Variants in HAL observed in about 807,000 individuals in gnomAD.
HAL encodes the protein histidase.
HAL carries 85 observed loss-of-function variants against 81.1 expected under a neutral mutation model. The ratio of observed to expected loss-of-function variants is 1.05; its 90% CI spans 0.88 to 1.25. The LOEUF is 1.25. HAL is among the 50% of genes most tolerant of loss of function. The pLI, the probability that HAL is intolerant of heterozygous loss-of-function variation, is 0.00. For synonymous variants in HAL, 301 were observed against 309.2 expected, an observed-to-expected ratio of 0.97 and a Z score of 0.28; for missense variants, 798 against 836.6, an observed-to-expected ratio of 0.95 and a Z score of 0.57.
chr12:95,980,675 C>A lies in HAL; in HGVS notation c.1400G>T (p.Ser467Ile). Residue 467 changes from serine to isoleucine, a missense_variant, in exon 17 of 21, where the codon AGT becomes ATT. By Grantham distance (142) the Ser-to-Ile change is moderately radical. Transcript: ENST00000261208. ...AIGIHELAAI[S>I]ERRIERLCNP... The stretch of plus-strand genomic sequence containing the variant: ...GCAGAGCCGCTCGATTCTTCTCTCA[C>A]TGATTGCAGCAAGTTCATGGATGCC... The A allele has an allele frequency of 6.2e-7, 1 of 1,613,992 alleles. No homozygotes were observed. The highest frequency in any genetic ancestry group is 1.3e-5 in the African/African-American group (1 of 75,042).
At chr12:95,994,726 T>G in intron 4 of HAL, 72 bp downstream of exon 4, 3 of 1,439,202 alleles carry the variant, frequency 2.1e-6, no homozygotes, top group Non-Finnish European at 2.9e-6. Context: ...CTCAGAAGTT[T>G]TCCTGGCTTT....
intron 14 of HAL, among the ~76,000 whole-genome samples, chr12:95,984,361 G>C (rs921633507): frequency 6.6e-6 from 1 of 152,202 alleles, no homozygotes; most frequent in Non-Finnish European, 1.5e-5. Context: ...TTAGAAAAGA[G>C]ACAATAGCAC....
At chr12:95,975,719 G>A (rs1462086951) in intron 20 of HAL, among the ~76,000 whole-genome samples, 1 of 152,142 alleles carries the variant, frequency 6.6e-6, no homozygotes, top group African/African-American at 2.4e-5. Context: ...CCCATCCAGA[G>A]TGCAGGGCAT....
At chr12:95,995,246 C>A in intron 2 of HAL, 1 of 590,732 alleles carries the variant, frequency 1.7e-6, no homozygotes, top group Non-Finnish European at 3.0e-6. Flanking sequence ...ATCCCCATTC[C>A]CAGCTTTATT....
chr12:95,982,701 A>C lies in HAL; in HGVS notation c.1287+1210T>G, dbSNP rs149720239. Among the ~76,000 whole-genome samples the C allele has an allele frequency of 2.6e-5, 4 of 152,314 alleles. No homozygotes were observed. In the East Asian group the frequency reaches 7.7e-4, roughly 29 times the overall value. On this transcript the variant is annotated intron_variant, in intron 15 of 20. Transcript: ENST00000261208. ...CTTGTCAAAAAACACATACATACAAAAGCCATCTCATGGGAAACCTTATGG... is the reference window on the plus strand; with the variant it reads ...CTTGTCAAAAAACACATACATACAACAGCCATCTCATGGGAAACCTTATGG...
At chr12:95,976,075 A>G in intron 20 of HAL, 1 of 363,876 alleles carries the variant, frequency 2.7e-6, no homozygotes, top group Admixed American at 3.8e-5. Flanking sequence ...TAGTTGTGAT[A>G]GCATCACCCA....
Position 95,993,502 on chromosome 12 carries a change from G to T in HAL, c.552-14C>A. On this transcript the variant is annotated splice_polypyrimidine_tract_variant and intron_variant, in intron 7 of 20. Transcript: ENST00000261208. ...ACCTGAAGCTCCCTGCAACAGAAAG[G>T]TAAAAACCCTCTTAGATACATTGCA... 6.4e-7 allele frequency: 1 copy of T among 1,569,290 alleles called. No homozygotes were observed. The highest frequency in any genetic ancestry group is 8.8e-7 in the Non-Finnish European group (1 of 1,138,928).
rs201409900 is a variant in HAL, at chr12:95,993,795, A to G, written c.528T>C (p.Thr176=). The change falls in exon 7 of 21, where the codon ACT becomes ACC. Residue 176 remains threonine (T), a synonymous_variant. Transcript: ENST00000261208. ...ACTGTAGCTTATTGATAGGAATTAC[A>G]GTTCTGGCAAATTTCCCAAAACCTG... ...ITTGFGKFAR[T]VIPINKLQEL... 2.5e-5 allele frequency: 39 copies of G among 1,569,968 alleles called. No homozygotes were observed. Among genetic ancestry groups the G allele is most frequent in the Admixed American group, 3.3e-5 (2 of 59,982 alleles).
chr12:95,978,462 G>A (rs1328250427), intron 17 of HAL, among the ~76,000 whole-genome samples: 2 of 152,244 alleles, frequency 1.3e-5, no homozygotes, highest in East Asian at 3.9e-4. Flanking sequence ...TGTGGCATTT[G>A]GGGACTGAGG....
chr12:95,992,657 C>T (rs986582188), intron 9 of HAL, 23 bp downstream of exon 9: 17 of 1,604,228 alleles, frequency 1.1e-5, no homozygotes, highest in Middle Eastern at 1.7e-4. Flanking sequence ...ACAGAGGTTC[C>T]GTCTAGGGAG....
chr12:95,993,395 G>C lies in HAL; in HGVS notation c.589+56C>G, dbSNP rs763563221. On this transcript the variant is annotated intron_variant, in intron 8 of 20. Transcript: ENST00000261208. The stretch of plus-strand genomic sequence containing the variant: ...ATAACTGGATAACTCACACTGTGCT[G>C]TGCTTTATTCATCTAATCACACAAG... The C allele has an allele frequency of 6.4e-5, 69 of 1,077,542 alleles. No individual in the cohort carries two copies. The Admixed American group carries it at 7.4e-4, about 12-fold the overall frequency. 66.7% of individuals were successfully genotyped at this position (1,077,542 alleles called of 1,614,324 possible).
In HAL at chr12:95,992,928, G is replaced by A. The variant is rs552677260; in HGVS notation, c.590-123C>T. Reference sequence around the variant, plus strand: ...CAGCCTGCTATTACCTTCTCCTCTCGGCTCAGGTAGTTGGACTACTCTCCC... The same window carrying A: ...CAGCCTGCTATTACCTTCTCCTCTCAGCTCAGGTAGTTGGACTACTCTCCC... On this transcript the variant is annotated intron_variant, in intron 8 of 20. Transcript: ENST00000261208. The A allele has an allele frequency of 5.9e-5, 51 of 861,956 alleles. No homozygotes were observed. In the African/African-American group the frequency reaches 6.0e-4, roughly 10 times the overall value. The allele number at this position is 861,956 out of a possible 1,614,324, so 53.4% of individuals were successfully genotyped here.
chr12:95,976,743 G>A (rs1490977416), intron 18 of HAL, 37 bp from the exon 19 acceptor site: 1 of 1,307,024 alleles, frequency 7.7e-7, no homozygotes, highest in African/African-American at 1.4e-5. Flanking sequence ...GCTTATGAAA[G>A]TCTGACTTCA....
chr12:95,976,544 C>G, intron 19 of HAL, 46 bp from the exon 20 acceptor site: 2 of 1,590,832 alleles, frequency 1.3e-6, no homozygotes, highest in Non-Finnish European at 1.7e-6. Flanking sequence ...TGAAACCCTG[C>G]CAGGGTTCAC....
intron 15 of HAL, 81 bp from the exon 16 acceptor site, chr12:95,980,944 T>A (rs2080787367): frequency 1.2e-6 from 1 of 849,714 alleles, no homozygotes; most frequent in African/African-American, 1.7e-5. Context: ...TTTTTTAACG[T>A]GGAGGTGGCA....
chr12:95,982,038 T>C (rs78835897), intron 15 of HAL, among the ~76,000 whole-genome samples: 2,096 of 152,360 alleles, frequency 0.014, 40 homozygotes, highest in African/African-American at 0.048. Flanking sequence ...GGTCTTGGCC[T>C]CTTCTCCATT....
At chr12:95,981,166 C>T (rs1234549677) in intron 15 of HAL, among the ~76,000 whole-genome samples, 16 of 136,674 alleles carry the variant, frequency 1.2e-4, no homozygotes, top group Non-Finnish European at 2.5e-4. Context: ...AGTACCTGCC[C>T]TCAAAAGGTT....
intron 14 of HAL, among the ~76,000 whole-genome samples, chr12:95,985,553 G>A (rs1292838031): frequency 6.9e-6 from 1 of 144,112 alleles, no homozygotes; most frequent in Non-Finnish European, 1.5e-5. Context: ...TCATGCCACT[G>A]TACTCCAGCC....
rs2080742558 is a variant in HAL, at chr12:95,977,930, C to T, written c.1654+14G>A. 6.2e-7 allele frequency: 1 copy of T among 1,613,972 alleles called. No individual in the cohort carries two copies. Among genetic ancestry groups the T allele is most frequent in the Non-Finnish European group, 8.5e-7 (1 of 1,179,900 alleles). ...TATCAGGCAGGCCCGCCACCCCGAA[C>T]TCATCAGCATTACCTTGCTCCACAT... On this transcript the variant is annotated intron_variant, in intron 18 of 20. Coordinates refer to ENST00000261208, the MANE Select transcript of HAL (RefSeq NM_002108.4).
Sources: allele counts gnomAD v4.1 joint callset (sites outside exome capture counted in the v4.1 genomes callset), GRCh38; gene constraint gnomAD v4.1.1; transcripts MANE v1.5; gene names NCBI Gene and HGNC (gene_info 2026-07-23, HGNC 2026-07-21).